Variants in ADGRB3 observed in about 807,000 individuals in gnomAD.
ADGRB3 encodes brain-specific angiogenesis inhibitor 3.
A neutral mutation model predicts 193.4 loss-of-function variants in ADGRB3; 37 were observed. That is an observed-to-expected ratio of 0.19 (90% CI 0.15 to 0.25). ADGRB3 has a LOEUF of 0.25. Among genes scored for constraint, ADGRB3 ranks in the 10% least tolerant of loss-of-function variants. The pLI is 1.00. For synonymous variants in ADGRB3, 690 were observed against 644.2 expected (o/e 1.07, Z -1.08); for missense variants, 1,637 against 1,852.9 (o/e 0.88, Z 2.14).
intron 15 of ADGRB3, among the ~76,000 whole-genome samples, chr6:69,060,931 T>C (rs1201255304): frequency 6.6e-6 from 1 of 152,074 alleles, no homozygotes; most frequent in African/African-American, 2.4e-5. Flanking sequence ...AATTTCTCTA[T>C]TCTCACTTGG....
At chr6:68,894,382 A>G (rs1470944466) in intron 3 of ADGRB3, among the ~76,000 whole-genome samples, 1 of 151,992 alleles carries the variant, frequency 6.6e-6, no homozygotes, top group Non-Finnish European at 1.5e-5. Flanking sequence ...CTTCCAGAAC[A>G]TCTGTTCTGC....
intron 26 of ADGRB3, among the ~76,000 whole-genome samples, chr6:69,348,301 C>G (rs1769150105): frequency 6.6e-6 from 1 of 152,028 alleles, no homozygotes; most frequent in Non-Finnish European, 1.5e-5. Flanking sequence ...CCTCACACTG[C>G]CGTCCCAGCT....
intron 16 of ADGRB3, among the ~76,000 whole-genome samples, chr6:69,073,509 A>C (rs945498362): frequency 6.6e-6 from 1 of 152,208 alleles, no homozygotes; most frequent in South Asian, 2.1e-4. Flanking sequence ...AGAGGGGATG[A>C]AAATGAAACA....
At chr6:68,643,825 T>C (rs1297982583) in intron 3 of ADGRB3, among the ~76,000 whole-genome samples, 2 of 151,126 alleles carry the variant, frequency 1.3e-5, no homozygotes, top group Non-Finnish European at 2.9e-5. Context: ...CCCAGCTACT[T>C]GGGAGGCCGA....
Position 68,963,771 on chromosome 6 carries a change from C to T in ADGRB3, c.1525+6962C>T, listed in dbSNP as rs867710336. ...GTCTGCTCTCCTAATAATTCTTTCT[C>T]CCACAATCTCATAAGTGTTCTTTCT... On this transcript the variant is annotated intron_variant, in intron 8 of 31. Transcript: ENST00000370598. 5.3e-5 allele frequency among the ~76,000 whole-genome samples: 8 copies of T among 152,232 alleles called. No homozygotes were observed. In the South Asian group the frequency reaches 1.7e-3, roughly 32 times the overall value.
At chr6:69,200,889 A>G (rs1275845322) in intron 17 of ADGRB3, among the ~76,000 whole-genome samples, 2 of 152,142 alleles carry the variant, frequency 1.3e-5, no homozygotes, top group African/African-American at 4.8e-5. Context: ...TAGAACCATT[A>G]TCTATCCATG....
At chr6:68,700,960 T>G (rs1443928648) in intron 3 of ADGRB3, among the ~76,000 whole-genome samples, 1 of 152,090 alleles carries the variant, frequency 6.6e-6, no homozygotes, top group Non-Finnish European at 1.5e-5. Flanking sequence ...CCCTAGAACT[T>G]GAAGTATAAT....
intron 13 of ADGRB3, among the ~76,000 whole-genome samples, chr6:69,020,486 A>G (rs1770231680): frequency 6.6e-6 from 1 of 151,912 alleles, no homozygotes; most frequent in African/African-American, 2.4e-5. Flanking sequence ...ATTTTTTTGC[A>G]ATAAGATTAT....
chr6:68,958,863 G>T (rs1260794081), intron 8 of ADGRB3, among the ~76,000 whole-genome samples: 4 of 67,382 alleles, frequency 5.9e-5, no homozygotes, highest in Non-Finnish European at 1.2e-4. Context: ...CAGGGGCAAA[G>T]AAAAATAGTG....
chr6:68,702,945 C>A (rs759581816), intron 3 of ADGRB3, among the ~76,000 whole-genome samples: 3 of 152,068 alleles, frequency 2.0e-5, no homozygotes, highest in African/African-American at 7.2e-5. Context: ...GCCATTATTG[C>A]AGGGTATTTA....
chr6:68,930,835 G>A lies in ADGRB3; in HGVS notation c.868+166G>A, dbSNP rs77603251. 3.2e-3 allele frequency among the ~76,000 whole-genome samples: 486 copies of A among 152,096 alleles called. 1 individual carries two copies. The highest frequency in any genetic ancestry group is 5.9e-3 in the Non-Finnish European group (398 of 67,946). On this transcript the variant is annotated intron_variant, in intron 4 of 31. Transcript: ENST00000370598. Reference sequence around the variant, plus strand: ...TCCATAAATAAAGTAGCTGTGAATTGAAAAGTGCACAAAAATTATGTAAGA... The same window carrying A: ...TCCATAAATAAAGTAGCTGTGAATTAAAAAGTGCACAAAAATTATGTAAGA...
rs939458119 is a variant in ADGRB3 at position 68,659,575 on chromosome 6, T to A, written c.757+20143T>A. On this transcript the variant is annotated intron_variant, in intron 3 of 31. Coordinates refer to ENST00000370598, the MANE Select transcript of ADGRB3 (RefSeq NM_001704.3). ...TAATGTAATTTGTAACTATTACATT[T>A]ATATTACAACACAAATATATATCCT... Among the ~76,000 whole-genome samples the A allele has an allele frequency of 4.6e-5, 7 of 151,042 alleles. No homozygotes were observed. The East Asian group carries it at 1.4e-3, about 29-fold the overall frequency.
At chr6:68,772,922 T>C (rs1195519875) in intron 3 of ADGRB3, among the ~76,000 whole-genome samples, 4 of 48,254 alleles carry the variant, frequency 8.3e-5, no homozygotes, top group African/African-American at 2.4e-4. Context: ...TATATATATA[T>C]ATATATATAT....
chr6:68,969,957 C>G (rs563712110), intron 8 of ADGRB3, among the ~76,000 whole-genome samples: 1 of 152,334 alleles, frequency 6.6e-6, no homozygotes, highest in South Asian at 2.1e-4. Flanking sequence ...ATCATGGCCT[C>G]TCTCACCAGA....
intron 11 of ADGRB3, among the ~76,000 whole-genome samples, chr6:69,007,018 G>T (rs1323338816): frequency 6.6e-6 from 1 of 151,950 alleles, no homozygotes; most frequent in Non-Finnish European, 1.5e-5. Context: ...TGCCCACTGG[G>T]TCTCTTTTCT....
At chr6:68,849,907 A>C (rs766320050) in intron 3 of ADGRB3, among the ~76,000 whole-genome samples, 3 of 151,814 alleles carry the variant, frequency 2.0e-5, no homozygotes, top group African/African-American at 4.8e-5. Context: ...GTGAGAAGAT[A>C]ATATAAAAAT....
At chr6:69,147,351 T>C (rs1774533248) in intron 17 of ADGRB3, among the ~76,000 whole-genome samples, 1 of 152,122 alleles carries the variant, frequency 6.6e-6, no homozygotes, top group Non-Finnish European at 1.5e-5. Flanking sequence ...GCTTCCATTA[T>C]CATTTGTTTC....
At chr6:69,254,417 T>C (rs1766703362) in intron 20 of ADGRB3, among the ~76,000 whole-genome samples, 1 of 152,164 alleles carries the variant, frequency 6.6e-6, no homozygotes, top group African/African-American at 2.4e-5. Flanking sequence ...TTTTTTCCAA[T>C]ACTAGAAAGG....
At chr6:69,373,617 T>C (rs1769751346) in intron 30 of ADGRB3, among the ~76,000 whole-genome samples, 1 of 152,100 alleles carries the variant, frequency 6.6e-6, no homozygotes, top group Admixed American at 6.6e-5. Flanking sequence ...AATATAAATC[T>C]GAATAGACAA....
Sources: allele counts gnomAD v4.1 joint callset (sites outside exome capture counted in the v4.1 genomes callset), GRCh38; gene constraint gnomAD v4.1.1; transcripts MANE v1.5; gene names NCBI Gene and HGNC (gene_info 2026-07-23, HGNC 2026-07-21).